The following C1QTNF7 variants were observed in gnomAD, a reference collection of about 807,000 sequenced individuals.
C1QTNF7 encodes complement C1q tumor necrosis factor-related protein 7.
In C1QTNF7, 15 loss-of-function variants were observed where a neutral mutation model predicts 19.6. The ratio of observed to expected loss-of-function variants is 0.76; its 90% CI spans 0.51 to 1.18. The LOEUF (loss-of-function observed/expected upper bound fraction) is 1.18. Among genes scored for constraint, C1QTNF7 ranks in the 50% most tolerant of loss-of-function variants. The pLI, the probability that C1QTNF7 is intolerant of heterozygous loss-of-function variation, is 0.00. For missense variants in C1QTNF7, 324 were observed against 359.7 expected (o/e 0.90, Z 0.80); for synonymous variants, 142 against 137.5 (o/e 1.03, Z -0.23).
intron 1 of C1QTNF7, chr4:15,358,162 G>A (rs1717209614): frequency 6.6e-6 from 1 of 151,482 alleles, no homozygotes; most frequent in South Asian, 2.1e-4. Context: ...GTCTTGTGCT[G>A]GAAGGCTTCC....
In C1QTNF7 at chr4:15,413,241, G is replaced by A. The variant is rs73232907; in HGVS notation, c.14-22495G>A. On this transcript the variant is annotated intron_variant, in intron 1 of 2. Transcript: ENST00000295297. ...TCATGTGCTTCTACCACCTATTTCC[G>A]TGGTTACCTATCTATGTTTTTATTG... Among the ~76,000 whole-genome samples the A allele has an allele frequency of 8.2e-4, 125 of 152,290 alleles. 2 individuals are homozygous for A. The East Asian group carries it at 0.012, about 15-fold the overall frequency.
At chr4:15,395,323 G>C (rs940433547) in intron 1 of C1QTNF7, among the ~76,000 whole-genome samples, 1 of 152,182 alleles carries the variant, frequency 6.6e-6, no homozygotes, top group South Asian at 2.1e-4. Context: ...ATGGTGGGGG[G>C]CGTGGACTCT....
chr4:15,361,626 C>G (rs1426432490), intron 1 of C1QTNF7, among the ~76,000 whole-genome samples: 3 of 152,138 alleles, frequency 2.0e-5, no homozygotes, highest in Non-Finnish European at 4.4e-5. Flanking sequence ...GCCAGACATT[C>G]AAGCCCAGTT....
intron 1 of C1QTNF7, among the ~76,000 whole-genome samples, chr4:15,416,799 C>T (rs1459096139): frequency 6.6e-6 from 1 of 152,160 alleles, no homozygotes; most frequent in South Asian, 2.1e-4. Flanking sequence ...GAACTGTGGC[C>T]GCAGCACAGC....
At chr4:15,342,025 A>G (rs1716560795) in intron 1 of C1QTNF7, among the ~76,000 whole-genome samples, 1 of 152,230 alleles carries the variant, frequency 6.6e-6, no homozygotes, top group Non-Finnish European at 1.5e-5. Context: ...CAAAAAGGCT[A>G]TTAGGGTTGC....
Position 15,434,477 on chromosome 4 carries a change from A to C in C1QTNF7, c.-8-1259A>C, listed in dbSNP as rs554270804. 1.6e-3 allele frequency among the ~76,000 whole-genome samples: 251 copies of C among 152,272 alleles called. 1 individual carries two copies. Among genetic ancestry groups the C allele is most frequent in the African/African-American group, 5.8e-3 (240 of 41,562 alleles). On this transcript the variant is annotated intron_variant, in intron 1 of 2. Transcript: ENST00000444304. ...ATTGCTTTCCCCACATTTTGTGATG[A>C]TTTCCTTTGGGAGAGTATACACCAG...
rs762722923 is a variant in C1QTNF7 at position 15,443,535 on chromosome 4, A to T, written c.*736A>T. On this transcript the variant is annotated 3_prime_UTR_variant, in exon 3 of 3. Coordinates refer to ENST00000444304, the MANE Select transcript of C1QTNF7 (RefSeq NM_031911.5). ...CTGGGGGCCAGAGAAGCTTTTACGC[A>T]TGGAAAAACACTAATCATGCCAAGG... 4.6e-5 allele frequency: 7 copies of T among 152,256 alleles called. No homozygotes were observed. Among genetic ancestry groups the T allele is most frequent in the Non-Finnish European group, 8.8e-5 (6 of 68,066 alleles). The allele number at this position is 152,256 out of a possible 1,614,324, so 9.4% of individuals were successfully genotyped here.
At chr4:15,385,327 A>G (rs1202309806) in intron 1 of C1QTNF7, among the ~76,000 whole-genome samples, 1 of 152,242 alleles carries the variant, frequency 6.6e-6, no homozygotes, top group African/African-American at 2.4e-5. Flanking sequence ...AGGAAGTGAC[A>G]TAGAGACAGA....
intron 1 of C1QTNF7, among the ~76,000 whole-genome samples, chr4:15,386,027 C>A (rs1399584950): frequency 6.6e-6 from 1 of 152,204 alleles, no homozygotes; most frequent in Admixed American, 6.5e-5. Flanking sequence ...CTGTTATGCT[C>A]AAAAACCAGA....
rs981686809 is a variant in C1QTNF7, at chr4:15,444,167, C to T, written c.*1368C>T. The T allele has an allele frequency of 6.6e-6, 1 of 151,992 alleles. No individual in the cohort carries two copies. The highest frequency in any genetic ancestry group is 2.4e-5 in the African/African-American group (1 of 41,352). The allele number at this position is 151,992 out of a possible 1,614,324, so 9.4% of individuals were successfully genotyped here. A position where few individuals can be genotyped will look rare whatever the true frequency, so the allele number is the denominator to read the frequency against. Reference sequence around the variant, plus strand: ...CTTCCAATCCTCCTTCTATGTATTCCTTTCTCTGCTCATTGACTTATAAAT... The same window carrying T: ...CTTCCAATCCTCCTTCTATGTATTCTTTTCTCTGCTCATTGACTTATAAAT... On this transcript the variant is annotated 3_prime_UTR_variant, in exon 3 of 3. Transcript: ENST00000444304.
chr4:15,409,439 T>A (rs2108914733), intron 1 of C1QTNF7, among the ~76,000 whole-genome samples: 1 of 152,352 alleles, frequency 6.6e-6, no homozygotes, highest in South Asian at 2.1e-4. Context: ...TTATTTACAA[T>A]GGTTTTCTCA....
intron 1 of C1QTNF7, among the ~76,000 whole-genome samples, chr4:15,343,898 A>T (rs1716630858): frequency 6.6e-6 from 1 of 152,226 alleles, no homozygotes; most frequent in Non-Finnish European, 1.5e-5. Context: ...TAAGCCCCAG[A>T]GAAATTAAGT....
At chr4:15,354,404 G>A (rs1221674800) in intron 1 of C1QTNF7, among the ~76,000 whole-genome samples, 2 of 152,120 alleles carry the variant, frequency 1.3e-5, no homozygotes, top group Non-Finnish European at 2.9e-5. Context: ...AGACTTTTAG[G>A]AAGACGAAGC....
In C1QTNF7 at chr4:15,428,066, T is replaced by C; in HGVS notation, c.-49T>C. On this transcript the variant is annotated 5_prime_UTR_variant, in exon 1 of 3. Coordinates refer to ENST00000444304, the MANE Select transcript of C1QTNF7 (RefSeq NM_031911.5). ...CTCATGAAAGATCCTCAGTCTCTTG[T>C]GGATTTAGAATCCTGCAGCAGCCCA... 1 of 985,452 alleles carries C rather than the reference T, an allele frequency of 1.0e-6. No individual in the cohort carries two copies. Among genetic ancestry groups the C allele is most frequent in the Non-Finnish European group, 1.2e-6 (1 of 829,926 alleles). 61.0% of individuals were successfully genotyped at this position (985,452 alleles called of 1,614,324 possible). A position where few individuals can be genotyped will look rare whatever the true frequency, so the allele number is the denominator to read the frequency against.
chr4:15,377,346 G>A (rs1717978771), intron 1 of C1QTNF7, among the ~76,000 whole-genome samples: 1 of 152,134 alleles, frequency 6.6e-6, no homozygotes, highest in Non-Finnish European at 1.5e-5. Context: ...TTTGGCCCAT[G>A]TCATCTGAAC....
chr4:15,414,890 A>G (rs777881422), intron 1 of C1QTNF7, among the ~76,000 whole-genome samples: 48 of 152,224 alleles, frequency 3.2e-4, no homozygotes, highest in Non-Finnish European at 6.0e-4. Flanking sequence ...TAGGTTTGGG[A>G]TAAAATTCAA....
chr4:15,378,600 G>A (rs1310556152), intron 1 of C1QTNF7, among the ~76,000 whole-genome samples: 1 of 151,962 alleles, frequency 6.6e-6, no homozygotes, highest in Admixed American at 6.6e-5. Flanking sequence ...CAATTCCTAG[G>A]GATTACATTG....
At chr4:15,439,675 A>T (rs1272089857) in intron 2 of C1QTNF7, among the ~76,000 whole-genome samples, 1 of 152,254 alleles carries the variant, frequency 6.6e-6, no homozygotes, top group Non-Finnish European at 1.5e-5. Context: ...TAGGTAAAGT[A>T]AAACACACAA....
rs1560375522 is a variant in C1QTNF7, at chr4:15,445,692, T to C, written c.*2893T>C. ...AAATAGCAGATACAGTTTATCCACA[T>C]TTGTAAATATTTGTATAAAGAAAGT... On this transcript the variant is annotated 3_prime_UTR_variant, in exon 3 of 3. Coordinates refer to ENST00000444304, the MANE Select transcript of C1QTNF7 (RefSeq NM_031911.5). The C allele has an allele frequency of 6.6e-6, 1 of 152,220 alleles. No individual in the cohort carries two copies. The highest frequency in any genetic ancestry group is 1.5e-5 in the Non-Finnish European group (1 of 68,026). The allele number at this position is 152,220 out of a possible 1,614,324, so 9.4% of individuals were successfully genotyped here.
Sources: gnomAD v4.1 joint callset for allele counts (sites outside exome capture counted in the v4.1 genomes callset) on GRCh38, gnomAD v4.1.1 for gene constraint, MANE v1.5 for transcripts, NCBI Gene and HGNC (gene_info 2026-07-23, HGNC 2026-07-21) for gene names.